Variants in LBR observed in about 807,000 individuals in gnomAD.
LBR encodes the protein delta(14)-sterol reductase LBR.
LBR carries 28 observed loss-of-function variants against 74.3 expected under a neutral mutation model. The observed-to-expected ratio is 0.38, with a 90% CI of 0.28 to 0.52. LBR has a LOEUF of 0.52. Ranked by LOEUF, LBR falls within the 20% of genes least tolerant of loss-of-function variation. LBR has a pLI of 0.89. For synonymous variants in LBR, 228 were observed against 269.3 expected (o/e 0.85, Z 1.50); for missense variants, 717 against 760.3 (o/e 0.94, Z 0.67).
At chr1:225,422,712 G>T (rs2096130190) in intron 2 of LBR, among the ~76,000 whole-genome samples, 1 of 151,790 alleles carries the variant, frequency 6.6e-6, no homozygotes, top group Non-Finnish European at 1.5e-5. Context: ...CATGAGCTTG[G>T]ATGACTGGGA....
At chr1:225,417,735 A>C (rs770899130) in intron 6 of LBR, 3 of 364,680 alleles carry the variant, frequency 8.2e-6, no homozygotes, top group Non-Finnish European at 1.5e-5. Context: ...AGTTCCTCCT[A>C]ATAAGCAAGT....
rs2096123275 is a variant in LBR, at chr1:225,419,343, T to C, written c.560A>G (p.Tyr187Cys). ...LKEIDSKEEKYVAKELAVRTF... is the reference protein window; with the variant it reads ...LKEIDSKEEKCVAKELAVRTF... ...TCTCACTGCCAGTTCTTTTGCAACG[T>C]ATTTTTCTTCCTTAGAATCTATTTC... Residue 187 changes from tyrosine (Y) to cysteine (C), a missense_variant, in exon 5 of 14, where the codon TAC (tyrosine) becomes TGC (cysteine). Tyr to Cys is a radical substitution (Grantham distance 194, BLOSUM62 -2). Coordinates refer to ENST00000272163, the MANE Select transcript of LBR (RefSeq NM_002296.4). The C allele has an allele frequency of 1.2e-6, 2 of 1,614,248 alleles. No homozygotes were observed. The highest frequency in any genetic ancestry group is 4.5e-5 in the East Asian group (2 of 44,882).
intron 1 of LBR, among the ~76,000 whole-genome samples, chr1:225,425,880 T>C (rs1447478309): frequency 1.3e-5 from 2 of 152,234 alleles, no homozygotes; most frequent in South Asian, 2.1e-4. Context: ...CAGGGGCTAC[T>C]TGAGGTTTTA....
At chr1:225,424,219 T>C (rs2096134691) in intron 1 of LBR, 130 bp from the exon 2 acceptor site, 1 of 764,042 alleles carries the variant, frequency 1.3e-6, no homozygotes, top group South Asian at 1.5e-5. Context: ...CCAGAAAGGC[T>C]ACATTCAATC....
At chr1:225,423,352 C>G (rs1319152084) in intron 2 of LBR, among the ~76,000 whole-genome samples, 1 of 152,136 alleles carries the variant, frequency 6.6e-6, no homozygotes, top group African/African-American at 2.4e-5. Flanking sequence ...ATGTCACTCT[C>G]CTGATTAAAT....
Position 225,422,468 on chromosome 1 carries a change from T to G in LBR, c.166-191A>C, listed in dbSNP as rs942967413. 6.5e-6 allele frequency: 4 copies of G among 616,768 alleles called. No individual in the cohort carries two copies. In the East Asian group the frequency reaches 1.1e-4, roughly 17 times the overall value. The allele number at this position is 616,768 out of a possible 1,614,324, so 38.2% of individuals were successfully genotyped here. On this transcript the variant is annotated intron_variant, in intron 2 of 13. Coordinates refer to ENST00000272163, the MANE Select transcript of LBR (RefSeq NM_002296.4). ...TGCTTTCATAATGATCCATCTTTCATGAGACAAATGCAGCCTTTCCATTCC... is the reference window on the plus strand; with the variant it reads ...TGCTTTCATAATGATCCATCTTTCAGGAGACAAATGCAGCCTTTCCATTCC...
chr1:225,424,141 T>G, intron 1 of LBR, 52 bp from the exon 2 acceptor site: 1 of 1,367,276 alleles, frequency 7.3e-7, no homozygotes. Context: ...CATTTATGTA[T>G]TCGTCTTTTT....
chr1:225,402,484 C>T lies in LBR; in HGVS notation c.*819G>A, dbSNP rs2096083526. ...CAAACTTTGGATCAAGAAAAATACC[C>T]TTCCTATGTTTTAACAGCATCTTCT... On this transcript the variant is annotated 3_prime_UTR_variant, in exon 14 of 14. Coordinates refer to ENST00000272163, the MANE Select transcript of LBR (RefSeq NM_002296.4). 6.6e-6 allele frequency: 1 copy of T among 152,548 alleles called. No homozygotes were observed. The highest frequency in any genetic ancestry group is 2.4e-5 in the African/African-American group (1 of 41,438). 9.4% of individuals were successfully genotyped at this position (152,548 alleles called of 1,614,324 possible). A position where few individuals can be genotyped will look rare whatever the true frequency, so the allele number is the denominator to read the frequency against.
Position 225,403,083 on chromosome 1 carries a change from C to A in LBR, c.*220G>T. 1 of 542,290 alleles carries A rather than the reference C, an allele frequency of 1.8e-6. No individual in the cohort carries two copies. Among genetic ancestry groups the A allele is most frequent in the Non-Finnish European group, 3.3e-6 (1 of 306,168 alleles). The allele number at this position is 542,290 out of a possible 1,614,324, so 33.6% of individuals were successfully genotyped here. A position where few individuals can be genotyped will look rare whatever the true frequency, so the allele number is the denominator to read the frequency against. On this transcript the variant is annotated 3_prime_UTR_variant, in exon 14 of 14. Transcript: ENST00000272163. ...TTTCCCATTAAAATGCAAATTCTCA[C>A]ATCCTTACTTGTATTTTTCCTATGT...
rs760606703 is a variant in LBR at position 225,418,166 on chromosome 1, T to C, written c.655A>G (p.Met219Val). Reference sequence around the variant, plus strand: ...AAGAGGAACACAGGCAGGCCAAACATGATGAGAAACACACCTGCAAACAAT... The same window carrying C: ...AAGAGGAACACAGGCAGGCCAAACACGATGAGAAACACACCTGCAAACAAT... Reference protein sequence around the residue: ...FGGVPGVFLIMFGLPVFLFLL... With the variant: ...FGGVPGVFLIVFGLPVFLFLL... The change falls in exon 6 of 14, where the codon ATG (methionine) becomes GTG (valine). Residue 219 changes from methionine to valine, a missense_variant. Coordinates refer to ENST00000272163, the MANE Select transcript of LBR (RefSeq NM_002296.4). The C allele has an allele frequency of 4.3e-6, 7 of 1,613,750 alleles. No individual in the cohort carries two copies. The Admixed American group carries it at 5.0e-5, about 12-fold the overall frequency.
chr1:225,419,210 A>G, intron 5 of LBR, 53 bp downstream of exon 5: 1 of 1,568,738 alleles, frequency 6.4e-7, no homozygotes, highest in Non-Finnish European at 8.8e-7. Context: ...CCTTGTGGCA[A>G]CCACCCCTAG....
chr1:225,426,278 C>T (rs1422659217), intron 1 of LBR, among the ~76,000 whole-genome samples: 1 of 152,172 alleles, frequency 6.6e-6, no homozygotes, highest in Non-Finnish European at 1.5e-5. Flanking sequence ...AATATATTCC[C>T]CCACAGGAGT....
At chr1:225,403,584 T>C in intron 13 of LBR, 121 bp from the exon 14 acceptor site, 1 of 749,468 alleles carries the variant, frequency 1.3e-6, no homozygotes, top group Non-Finnish European at 2.2e-6. Context: ...TCTCTAATAA[T>C]GATGAGAATA....
chr1:225,403,055 AAATT>A lies in LBR; in HGVS notation c.*244_*247del, dbSNP rs1482184793. ...CTTCTGTTTTCAGATTAAGGGTTGA[AAATT>A]TCCCATTAAAATGCAAATTCTCACA... is the stretch of plus-strand genomic sequence containing the variant. On this transcript the variant is annotated 3_prime_UTR_variant, in exon 14 of 14. Transcript: ENST00000272163. The A allele has an allele frequency of 2.6e-5, 13 of 494,738 alleles. No individual in the cohort carries two copies. The highest frequency in any genetic ancestry group is 4.3e-5 in the Non-Finnish European group (12 of 276,960). The allele number at this position is 494,738 out of a possible 1,614,324, so 30.6% of individuals were successfully genotyped here.
At chr1:225,417,433 T>C (rs1285631284) in intron 6 of LBR, 4 of 152,450 alleles carry the variant, frequency 2.6e-5, no homozygotes, top group African/African-American at 4.8e-5. Flanking sequence ...TTTAAAGATA[T>C]TGCAGGAATC....
chr1:225,412,693 G>A, intron 7 of LBR, 48 bp from the exon 8 acceptor site: 1 of 1,513,124 alleles, frequency 6.6e-7, no homozygotes. Flanking sequence ...ATTAACCCAA[G>A]GCTCACATGA....
chr1:225,425,335 T>C (rs1044928053), intron 1 of LBR, among the ~76,000 whole-genome samples: 30 of 152,248 alleles, frequency 2.0e-4, no homozygotes, highest in African/African-American at 6.7e-4. Flanking sequence ...GGCAGCTAGG[T>C]TGGTAGATGA....
chr1:225,408,773 T>C (rs751233583), intron 10 of LBR, among the ~76,000 whole-genome samples: 14 of 152,258 alleles, frequency 9.2e-5, no homozygotes, highest in Non-Finnish European at 1.6e-4. Flanking sequence ...TATGTTAATA[T>C]TGCATTAAGC....
chr1:225,409,433 G>A (rs1232759557), intron 10 of LBR, among the ~76,000 whole-genome samples: 1 of 152,190 alleles, frequency 6.6e-6, no homozygotes, highest in African/African-American at 2.4e-5. Flanking sequence ...GGGTGGGGGA[G>A]ATACATAGTA....
Sources: allele counts gnomAD v4.1 joint callset (sites outside exome capture counted in the v4.1 genomes callset), GRCh38; gene constraint gnomAD v4.1.1; transcripts MANE v1.5; gene names NCBI Gene and HGNC (gene_info 2026-07-23, HGNC 2026-07-21).